NDUFS4: variants seen among roughly 807,000 people sequenced by gnomAD.
The protein encoded by NDUFS4 is NADH:ubiquinone oxidoreductase subunit S4.
Under a neutral mutation model 24.3 loss-of-function variants are expected in NDUFS4, and 28 were observed. The observed-to-expected ratio is 1.15, with a 90% confidence interval of 0.85 to 1.58. The LOEUF (loss-of-function observed/expected upper bound fraction) is 1.58, where lower values mean the gene tolerates loss of function less well. Ranked by LOEUF, NDUFS4 falls within the 40% of genes most tolerant of loss-of-function variation. NDUFS4 has a pLI of 0.00. For synonymous variants in NDUFS4, 93 were observed against 69.7 expected, an observed-to-expected ratio of 1.34 and a Z score of -1.67; for missense variants, 223 against 207.9, an observed-to-expected ratio of 1.07 and a Z score of -0.45.
At chr5:53,572,212 G>A (rs1018269774) in intron 1 of NDUFS4, among the ~76,000 whole-genome samples, 23 of 152,162 alleles carry the variant, frequency 1.5e-4, no homozygotes, top group African/African-American at 5.6e-4. Context: ...GTTCTGATTC[G>A]TCTCTGACTG....
intron 3 of NDUFS4, among the ~76,000 whole-genome samples, chr5:53,646,675 C>A (rs1201580597): frequency 6.7e-6 from 1 of 150,240 alleles, no homozygotes; most frequent in Admixed American, 6.6e-5. Context: ...TTATGGAACT[C>A]AAAGCTATGT....
chr5:53,642,059 G>A (rs989406733), intron 2 of NDUFS4, among the ~76,000 whole-genome samples: 7 of 152,118 alleles, frequency 4.6e-5, no homozygotes, highest in Non-Finnish European at 7.4e-5. Context: ...TTTTCTGGGC[G>A]TACTGAGAGA....
intron 4 of NDUFS4, among the ~76,000 whole-genome samples, chr5:53,680,550 A>G (rs1338846400): frequency 1.3e-5 from 2 of 152,200 alleles, no homozygotes; most frequent in Non-Finnish European, 1.5e-5. Context: ...TTGTAGGGAC[A>G]TGGATGAAAT....
In NDUFS4 at chr5:53,648,840, AT is replaced by A. The variant is rs998900691; in HGVS notation, c.350+2444del. Among the ~76,000 whole-genome samples the A allele has an allele frequency of 1.5e-4, 23 of 151,492 alleles. No homozygotes were observed. In the South Asian group the frequency reaches 2.3e-3, roughly 15 times the overall value. On this transcript the variant is annotated intron_variant, in intron 3 of 4. Coordinates refer to ENST00000296684, the MANE Select transcript of NDUFS4 (RefSeq NM_002495.4). ...GTATCAAGGAGAATACTTTGAGACC[AT>A]TTTTTTTTCCTTACAAAAACACAAT...
At chr5:53,582,124 T>C (rs968518253) in intron 1 of NDUFS4, among the ~76,000 whole-genome samples, 3 of 151,950 alleles carry the variant, frequency 2.0e-5, no homozygotes, top group African/African-American at 7.3e-5. Flanking sequence ...GGCAGGAGAA[T>C]GGTGTGAACC....
intron 1 of NDUFS4, among the ~76,000 whole-genome samples, chr5:53,574,498 A>G (rs1178566691): frequency 6.6e-6 from 1 of 152,132 alleles, no homozygotes; most frequent in Non-Finnish European, 1.5e-5. Flanking sequence ...ATCTGTGTTT[A>G]TGAAGAATAC....
intron 2 of NDUFS4, among the ~76,000 whole-genome samples, chr5:53,626,919 A>G (rs902968640): frequency 1.3e-5 from 2 of 152,040 alleles, no homozygotes; most frequent in Non-Finnish European, 2.9e-5. Flanking sequence ...GACTTTTGTT[A>G]CAATTGCTTT....
intron 1 of NDUFS4, among the ~76,000 whole-genome samples, chr5:53,598,722 A>G (rs953599070): frequency 6.6e-6 from 1 of 152,206 alleles, no homozygotes; most frequent in Non-Finnish European, 1.5e-5. Flanking sequence ...TTACTTAACC[A>G]GAGTTAGAAA....
intron 1 of NDUFS4, among the ~76,000 whole-genome samples, chr5:53,565,100 A>G (rs1748976234): frequency 6.6e-6 from 1 of 152,150 alleles, no homozygotes; most frequent in African/African-American, 2.4e-5. Context: ...GAGCTTTGAG[A>G]GCTCTCCTGT....
At chr5:53,662,390 G>A (rs532674380) in intron 4 of NDUFS4, among the ~76,000 whole-genome samples, 5 of 152,234 alleles carry the variant, frequency 3.3e-5, no homozygotes, top group Admixed American at 2.0e-4. Context: ...GCTGGATTCG[G>A]TTTGCCAGTA....
chr5:53,671,843 T>C (rs1740256962), intron 4 of NDUFS4, among the ~76,000 whole-genome samples: 1 of 152,180 alleles, frequency 6.6e-6, no homozygotes, highest in African/African-American at 2.4e-5. Flanking sequence ...TTGATCTGAT[T>C]TGAAAGTTTG....
chr5:53,660,107 A>G (rs149876278), intron 4 of NDUFS4, among the ~76,000 whole-genome samples: 14,021 of 149,084 alleles, frequency 0.094, 778 homozygotes, highest in Middle Eastern at 0.14. Flanking sequence ...GCACCGATTA[A>G]CTCTTCATTT....
chr5:53,578,294 G>GC (rs1749450680), intron 1 of NDUFS4, among the ~76,000 whole-genome samples: 1 of 152,064 alleles, frequency 6.6e-6, no homozygotes, highest in Non-Finnish European at 1.5e-5. Flanking sequence ...TTTTATTTTG[G>GC]TTCTAGATTT....
intron 1 of NDUFS4, among the ~76,000 whole-genome samples, chr5:53,601,000 TA>T (rs1750300273): frequency 1.4e-5 from 2 of 141,278 alleles, no homozygotes; most frequent in African/African-American, 5.2e-5. Flanking sequence ...TTGTTTATAA[TA>T]AATTTTTTTT....
intron 3 of NDUFS4, among the ~76,000 whole-genome samples, chr5:53,650,746 C>T (rs1269520745): frequency 1.3e-5 from 2 of 152,158 alleles, no homozygotes; most frequent in Admixed American, 6.6e-5. Flanking sequence ...GCCAAGCTGC[C>T]ATATTTTGGG....
intron 2 of NDUFS4, among the ~76,000 whole-genome samples, chr5:53,635,187 T>TTAAATAAA (rs59403372): frequency 0.13 from 19,432 of 149,410 alleles, 1,408 homozygotes; most frequent in African/African-American, 0.18. Flanking sequence ...AAAAACTCTG[T>TTAAATAAA]TAAATAAATA....
chr5:53,620,939 A>G (rs1751015380), intron 2 of NDUFS4, among the ~76,000 whole-genome samples: 2 of 152,194 alleles, frequency 1.3e-5, no homozygotes, highest in Admixed American at 6.5e-5. Flanking sequence ...GGGTGTTCCA[A>G]AAATTTCAAT....
At chr5:53,609,242 C>T (rs941645753) in intron 2 of NDUFS4, among the ~76,000 whole-genome samples, 29 of 151,780 alleles carry the variant, frequency 1.9e-4, no homozygotes, top group Non-Finnish European at 7.4e-5. Context: ...AATGTGTTTC[C>T]TAAATAATAA....
At chr5:53,591,618 G>A (rs1276859973) in intron 1 of NDUFS4, among the ~76,000 whole-genome samples, 2 of 151,994 alleles carry the variant, frequency 1.3e-5, no homozygotes, top group Non-Finnish European at 2.9e-5. Context: ...CTGATCCTAT[G>A]TTAAAACTAT....
Sources: gnomAD v4.1 joint callset for allele counts (sites outside exome capture counted in the v4.1 genomes callset) on GRCh38, gnomAD v4.1.1 for gene constraint, MANE v1.5 for transcripts, NCBI Gene and HGNC (gene_info 2026-07-23, HGNC 2026-07-21) for gene names.